PRMT3: variants seen among roughly 807,000 people sequenced by gnomAD.
PRMT3 encodes protein arginine N-methyltransferase 3.
In PRMT3, 62 loss-of-function variants were observed where a neutral mutation model predicts 71.9. That is an observed-to-expected ratio of 0.86 (90% confidence interval 0.70 to 1.07). PRMT3 has a LOEUF of 1.07. Ranked by LOEUF, PRMT3 falls within the 50% of genes least tolerant of loss-of-function variation. The pLI, the probability that PRMT3 is intolerant of heterozygous loss-of-function variation, is 0.00. For missense variants in PRMT3, 663 were observed against 643.0 expected (o/e 1.03, Z -0.34); for synonymous variants, 213 against 220.4 (o/e 0.97, Z 0.30).
At chr11:20,441,371 T>G (rs1196893236) in intron 10 of PRMT3, among the ~76,000 whole-genome samples, 1 of 151,740 alleles carries the variant, frequency 6.6e-6, no homozygotes, top group Admixed American at 6.6e-5. Flanking sequence ...AGTGGCGCAA[T>G]CTCGGCTCAC....
chr11:20,504,703 TGTGTGAGAGAGAGAGAGAGA>T lies in PRMT3; in HGVS notation c.1487-3599_1487-3580del, dbSNP rs1311875935. ...CAAGTATTGTATGTGTGTGTGTGTG[TGTGTGAGAGAGAGAGAGAGA>T]GAGAGAGAGAGAGAGAGAGAGAGCG... On this transcript the variant is annotated intron_variant, in intron 15 of 15. Coordinates refer to ENST00000331079, the MANE Select transcript of PRMT3 (RefSeq NM_005788.4). Among the ~76,000 whole-genome samples, 9 of 123,652 alleles carry T rather than the reference TGTGTGAGAGAGAGAGAGAGA, an allele frequency of 7.3e-5. 2 individuals carry two copies. The highest frequency in any genetic ancestry group is 3.2e-4 in the African/African-American group (9 of 27,888). The allele number at this position is 123,652 out of a possible 152,430, so 81.1% of individuals were successfully genotyped here.
At chr11:20,471,959 A>G (rs1020640595) in intron 13 of PRMT3, among the ~76,000 whole-genome samples, 15 of 151,746 alleles carry the variant, frequency 9.9e-5, no homozygotes, top group Admixed American at 7.9e-4. Flanking sequence ...TTTTGTAGCA[A>G]TTGTGAATGG....
chr11:20,391,746 T>TA (rs1848720626), intron 3 of PRMT3, among the ~76,000 whole-genome samples: 1 of 152,238 alleles, frequency 6.6e-6, no homozygotes, highest in African/African-American at 2.4e-5. Flanking sequence ...TCTGGAAAGA[T>TA]ACGAGAACCA....
chr11:20,486,352 C>G (rs528644278), intron 13 of PRMT3, among the ~76,000 whole-genome samples: 1 of 152,272 alleles, frequency 6.6e-6, no homozygotes, highest in South Asian at 2.1e-4. Context: ...GAGAAACCCA[C>G]ACCTAGACAT....
intron 14 of PRMT3, 76 bp from the exon 15 acceptor site, chr11:20,494,091 T>A (rs565415929): frequency 1.4e-6 from 2 of 1,477,676 alleles, no homozygotes; most frequent in Admixed American, 3.5e-5. Flanking sequence ...GGCTTGTGTT[T>A]GATGTCGTAG....
At chr11:20,491,846 T>G (rs550219478) in intron 13 of PRMT3, among the ~76,000 whole-genome samples, 1 of 152,316 alleles carries the variant, frequency 6.6e-6, no homozygotes, top group South Asian at 2.1e-4. Context: ...ACATACAGAA[T>G]TAGATCTTTT....
intron 5 of PRMT3, among the ~76,000 whole-genome samples, chr11:20,395,443 A>C (rs1000347358): frequency 1.3e-5 from 2 of 152,002 alleles, no homozygotes; most frequent in East Asian, 1.9e-4. Context: ...TCCGAGGTTC[A>C]AGCAATTCTT....
intron 13 of PRMT3, among the ~76,000 whole-genome samples, chr11:20,481,358 G>C (rs1292985250): frequency 1.3e-5 from 2 of 151,884 alleles, no homozygotes; most frequent in Non-Finnish European, 2.9e-5. Context: ...AAATGAGCAT[G>C]ATGTGAGAAA....
chr11:20,432,418 A>G (rs1372912412), intron 10 of PRMT3, among the ~76,000 whole-genome samples: 1 of 152,104 alleles, frequency 6.6e-6, no homozygotes, highest in East Asian at 1.9e-4. Flanking sequence ...TATAAACTGT[A>G]TATTGTGTAT....
intron 15 of PRMT3, among the ~76,000 whole-genome samples, chr11:20,496,295 A>G (rs1048537935): frequency 1.3e-5 from 2 of 152,000 alleles, no homozygotes; most frequent in Admixed American, 6.6e-5. Context: ...GCGCACACCT[A>G]TAGTCCCTGC....
intron 13 of PRMT3, among the ~76,000 whole-genome samples, chr11:20,473,950 A>G (rs982443875): frequency 6.6e-6 from 1 of 152,056 alleles, no homozygotes; most frequent in African/African-American, 2.4e-5. Flanking sequence ...TTTTAACAGT[A>G]GGTCCATTCC....
At chr11:20,501,958 T>C (rs777278425) in intron 15 of PRMT3, among the ~76,000 whole-genome samples, 1 of 152,236 alleles carries the variant, frequency 6.6e-6, no homozygotes, top group Non-Finnish European at 1.5e-5. Flanking sequence ...AACTCTAAGC[T>C]TTGACAACAA....
At chr11:20,460,350 C>G (rs990188967) in intron 11 of PRMT3, among the ~76,000 whole-genome samples, 30 of 152,058 alleles carry the variant, frequency 2.0e-4, no homozygotes, top group African/African-American at 6.8e-4. Context: ...CATGAGTACC[C>G]TAAAAGTTGA....
intron 15 of PRMT3, among the ~76,000 whole-genome samples, chr11:20,504,036 G>T (rs940331563): frequency 2.0e-5 from 3 of 152,146 alleles, no homozygotes; most frequent in African/African-American, 4.8e-5. Flanking sequence ...TGTAGTTATA[G>T]CTGTGCTTGT....
In PRMT3 at chr11:20,397,623, T is replaced by C; in HGVS notation, c.607T>C (p.Ser203Pro). The C allele has an allele frequency of 6.2e-7, 1 of 1,614,144 alleles. No homozygotes were observed. Among genetic ancestry groups the C allele is most frequent in the South Asian group, 1.1e-5 (1 of 91,084 alleles). The change falls in exon 7 of 16, where the codon TCG (serine) becomes CCG (proline). Residue 203 changes from serine to proline, a missense_variant. Coordinates refer to ENST00000331079, the MANE Select transcript of PRMT3 (RefSeq NM_005788.4). ...GATGCACACAGATGTCAGAACCTGC[T>C]CGTCATCTACTAGTGTCATTGCGGA... ...FVMHTDVRTC[S>P]SSTSVIADLQ... is the part of the protein sequence containing the mutation.
At chr11:20,483,256 A>T (rs1334760423) in intron 13 of PRMT3, among the ~76,000 whole-genome samples, 1 of 152,098 alleles carries the variant, frequency 6.6e-6, no homozygotes, top group African/African-American at 2.4e-5. Flanking sequence ...TGCTGCGTTG[A>T]TTTGTAAATT....
intron 5 of PRMT3, chr11:20,393,661 A>C (rs1021712776): frequency 6.6e-6 from 1 of 152,164 alleles, no homozygotes; most frequent in Non-Finnish European, 1.5e-5. Context: ...GTTCTAGCAA[A>C]TTGTAGTTAG....
chr11:20,414,577 G>A (rs913333806), intron 9 of PRMT3, among the ~76,000 whole-genome samples: 5 of 152,114 alleles, frequency 3.3e-5, no homozygotes, highest in African/African-American at 4.8e-5. Context: ...CTCAGGAAGC[G>A]CAGGTAGCGT....
rs775057150 is a variant in PRMT3, at chr11:20,464,522, A to G, written c.1323A>G (p.Lys441=). The change falls in exon 13 of 16, where the codon AAA becomes AAG. Residue 441 remains lysine (K), a synonymous_variant. Transcript: ENST00000331079. ...DLEFSSDFTL[K]ITRTSMCTAI... The stretch of plus-strand genomic sequence containing the variant: ...AATTTTCATCAGATTTTACCCTGAA[A>G]ATCACAAGGACATCCATGTGCACGG... 6.2e-7 allele frequency: 1 copy of G among 1,612,578 alleles called. No individual in the cohort carries two copies. Among genetic ancestry groups the G allele is most frequent in the South Asian group, 1.1e-5 (1 of 90,928 alleles).
Sources: allele counts gnomAD v4.1 joint callset (sites outside exome capture counted in the v4.1 genomes callset), GRCh38; gene constraint gnomAD v4.1.1; transcripts MANE v1.5; gene names NCBI Gene and HGNC (gene_info 2026-07-23, HGNC 2026-07-21).